Variants in PDE10A observed in about 807,000 individuals in gnomAD.
The protein encoded by PDE10A is phosphodiesterase 10A.
Under a neutral mutation model 97.7 loss-of-function variants are expected in PDE10A, and 39 were observed. The ratio of observed to expected loss-of-function variants is 0.40; its 90% CI spans 0.31 to 0.52. PDE10A has a LOEUF of 0.52. Among genes scored for constraint, PDE10A ranks in the 20% least tolerant of loss-of-function variants. The pLI is 0.56. For missense variants in PDE10A, 731 were observed against 1,047.8 expected, an observed-to-expected ratio of 0.70 and a Z score of 4.17; for synonymous variants, 371 against 376.8, an observed-to-expected ratio of 0.98 and a Z score of 0.18.
Position 165,506,445 on chromosome 6 carries a change from T to G in PDE10A, c.995-24102A>C, listed in dbSNP as rs73247757. Among the ~76,000 whole-genome samples the G allele has an allele frequency of 3.6e-3, 551 of 152,286 alleles. 3 individuals carry two copies. The highest frequency in any genetic ancestry group is 0.013 in the African/African-American group (531 of 41,548). Reference sequence around the variant, plus strand: ...AAAAGAAAAATGTTCCCAATAGAGGTTACTTTTCTATAGAGGAGATTTTAC... The same window carrying G: ...AAAAGAAAAATGTTCCCAATAGAGGGTACTTTTCTATAGAGGAGATTTTAC... On this transcript the variant is annotated intron_variant, in intron 2 of 21. Coordinates refer to ENST00000539869, the MANE Select transcript of PDE10A (RefSeq NM_001385079.1).
chr6:165,675,261 C>A (rs936515813), intron 1 of PDE10A, among the ~76,000 whole-genome samples: 38 of 152,184 alleles, frequency 2.5e-4, no homozygotes, highest in African/African-American at 9.2e-4. Context: ...TGAACATGTG[C>A]TAAGCAGAAA....
At chr6:165,873,771 C>A (rs146891605) in intron 1 of PDE10A, among the ~76,000 whole-genome samples, 328 of 152,176 alleles carry the variant, frequency 2.2e-3, no homozygotes, top group African/African-American at 7.4e-3. Context: ...TTAAGCTATT[C>A]CTTTTTTATT....
At chr6:165,841,002 T>G (rs559736546) in intron 1 of PDE10A, among the ~76,000 whole-genome samples, 1 of 152,368 alleles carries the variant, frequency 6.6e-6, no homozygotes, top group South Asian at 2.1e-4. Flanking sequence ...AAATGTCAGT[T>G]ATTTTTAACT....
rs1379022208 is a variant in PDE10A, at chr6:165,958,498, CAAGAAAGAAAGA to C, written c.-615+29019_-615+29030del. On this transcript the variant is annotated intron_variant, in intron 1 of 19. Transcript: ENST00000366882. ...AAAGAAAGAGAGAAAGAGAGAAAGA[CAAGAAAGAAAGA>C]AAGAAAGAAAGAAAGAAAGAAAGAA... Among the ~76,000 whole-genome samples the C allele has an allele frequency of 9.9e-4, 57 of 57,788 alleles. 1 individual carries two copies. Among genetic ancestry groups the C allele is most frequent in the Non-Finnish European group, 1.2e-3 (35 of 28,960 alleles). The allele number at this position is 57,788 out of a possible 152,430, so 37.9% of individuals were successfully genotyped here. A position where few individuals can be genotyped will look rare whatever the true frequency, so the allele number is the denominator to read the frequency against.
intron 3 of PDE10A, among the ~76,000 whole-genome samples, chr6:165,455,923 A>G (rs995939436): frequency 6.6e-6 from 1 of 152,234 alleles, no homozygotes; most frequent in African/African-American, 2.4e-5. Flanking sequence ...ACCTGTTGAT[A>G]GGTATTTACA....
chr6:165,622,465 C>T (rs1223456538), intron 1 of PDE10A, among the ~76,000 whole-genome samples: 2 of 152,184 alleles, frequency 1.3e-5, no homozygotes, highest in Admixed American at 1.3e-4. Context: ...ACAGACTGTA[C>T]AGCATGGTAC....
At chr6:165,774,831 C>CTTTTTTTTTTTTTTTT (rs5881660) in intron 1 of PDE10A, 57 of 107,786 alleles carry the variant, frequency 5.3e-4, no homozygotes, top group Non-Finnish European at 6.4e-4. Context: ...ACTTTTTTTT[C>CTTTTTTTTTTTTTTTT]TTTTTTTTTT....
At chr6:165,559,960 T>C (rs913962067) in intron 1 of PDE10A, among the ~76,000 whole-genome samples, 4 of 152,206 alleles carry the variant, frequency 2.6e-5, no homozygotes, top group Non-Finnish European at 5.9e-5. Context: ...AAGCCTCTTT[T>C]TCTTCCCAGT....
intron 2 of PDE10A, among the ~76,000 whole-genome samples, chr6:165,530,205 G>C (rs1254955691): frequency 2.0e-5 from 3 of 151,916 alleles, no homozygotes; most frequent in African/African-American, 4.8e-5. Flanking sequence ...TCAGCTTGCA[G>C]ACAGCCTACT....
intron 1 of PDE10A, among the ~76,000 whole-genome samples, chr6:165,928,365 C>T (rs117537190): frequency 6.6e-6 from 1 of 152,180 alleles, no homozygotes; most frequent in East Asian, 1.9e-4. Flanking sequence ...CACATGAGGC[C>T]GAGGGAAGAG....
intron 2 of PDE10A, among the ~76,000 whole-genome samples, chr6:165,538,969 T>C (rs1050649975): frequency 1.3e-5 from 2 of 152,178 alleles, no homozygotes; most frequent in Non-Finnish European, 2.9e-5. Flanking sequence ...GCCTAGATAA[T>C]TTTCTTTATT....
At chr6:165,954,751 G>A (rs755470292) in intron 1 of PDE10A, among the ~76,000 whole-genome samples, 12 of 152,020 alleles carry the variant, frequency 7.9e-5, no homozygotes, top group South Asian at 6.2e-4. Context: ...CAGGGTTTCC[G>A]GAAGCTTCTA....
At chr6:165,516,134 C>T (rs1026607964) in intron 2 of PDE10A, among the ~76,000 whole-genome samples, 2 of 152,190 alleles carry the variant, frequency 1.3e-5, no homozygotes, top group African/African-American at 2.4e-5. Context: ...AGGCCAGCCC[C>T]TTCACTTAGT....
intron 3 of PDE10A, among the ~76,000 whole-genome samples, chr6:165,476,293 C>A (rs1779294010): frequency 6.6e-6 from 1 of 152,110 alleles, no homozygotes; most frequent in Non-Finnish European, 1.5e-5. Context: ...ATCTGTTTTG[C>A]ACTCTCAAGA....
chr6:165,662,253 T>C lies in PDE10A; in HGVS notation c.559A>G (p.Ser187Gly), dbSNP rs1583744045. 1 of 166,138 alleles carries C rather than the reference T, an allele frequency of 6.0e-6. No individual in the cohort carries two copies. Among genetic ancestry groups the C allele is most frequent in the Non-Finnish European group, 1.2e-5 (1 of 82,256 alleles). 10.3% of individuals were successfully genotyped at this position (166,138 alleles called of 1,614,324 possible). ...TSSSHRGGGG[S>G]GGGRRRLFLS... ...AAGAGCCGCCGCCGCCCGCCGCCGC[T>C]GCCACCGCCGCCGCGGTGACTACTG... The change falls in exon 1 of 22, where the codon AGC becomes GGC. Residue 187 changes from serine (S) to glycine (G), a missense_variant. Physicochemically the swap from Ser to Gly is moderately conservative, Grantham distance 56 (BLOSUM62 0). Transcript: ENST00000539869.
chr6:165,904,351 G>A (rs1454476851), intron 1 of PDE10A, among the ~76,000 whole-genome samples: 1 of 152,090 alleles, frequency 6.6e-6, no homozygotes, highest in Non-Finnish European at 1.5e-5. Flanking sequence ...GCCTACATTG[G>A]GAAAGAGACA....
chr6:165,626,870 C>T (rs1259104391), intron 1 of PDE10A, among the ~76,000 whole-genome samples: 1 of 152,126 alleles, frequency 6.6e-6, no homozygotes, highest in African/African-American at 2.4e-5. Context: ...GCTCAGTAGC[C>T]CTTCTGGGTC....
rs544025342 is a variant in PDE10A, at chr6:165,904,515, A to G, written c.-615+83014T>C. On this transcript the variant is annotated intron_variant, in intron 1 of 19. Coordinates refer to the PDE10A transcript ENST00000366882. ...TAATCACTAACTTTAATTTTTCAAA[A>G]TAAAGTCTCGCTCAATATTTTTTCT... Among the ~76,000 whole-genome samples the G allele has an allele frequency of 3.9e-5, 6 of 152,312 alleles. No homozygotes were observed. In the South Asian group the frequency reaches 1.0e-3, roughly 26 times the overall value.
intron 1 of PDE10A, among the ~76,000 whole-genome samples, chr6:165,974,167 C>A (rs1374898372): frequency 2.0e-5 from 3 of 152,202 alleles, no homozygotes; most frequent in Non-Finnish European, 4.4e-5. Flanking sequence ...CATCTTTCCT[C>A]CTCTTTCATC....
Sources: gnomAD v4.1 joint callset for allele counts (sites outside exome capture counted in the v4.1 genomes callset) on GRCh38, gnomAD v4.1.1 for gene constraint, MANE v1.5 for transcripts, NCBI Gene and HGNC (gene_info 2026-07-23, HGNC 2026-07-21) for gene names.